PLPPR5: variants seen among roughly 807,000 people sequenced by gnomAD.
PLPPR5 encodes the protein phospholipid phosphatase related 5.
PLPPR5 carries 16 observed loss-of-function variants against 33.9 expected under a neutral mutation model. That is an observed-to-expected ratio of 0.47 (90% confidence interval 0.32 to 0.72). The LOEUF (loss-of-function observed/expected upper bound fraction) is 0.72, where lower values mean the gene tolerates loss of function less well. Ranked by LOEUF, PLPPR5 falls within the 30% of genes least tolerant of loss-of-function variation. PLPPR5 has a pLI of 0.03. For synonymous variants in PLPPR5, 163 were observed against 150.3 expected (o/e 1.08, Z -0.62); for missense variants, 301 against 406.7 (o/e 0.74, Z 2.23).
chr1:98,998,998 G>A (rs2100767261), intron 1 of PLPPR5, among the ~76,000 whole-genome samples: 1 of 152,284 alleles, frequency 6.6e-6, no homozygotes, highest in Non-Finnish European at 1.5e-5. Flanking sequence ...TGGACAAACA[G>A]AGGAGTCACC....
chr1:98,928,787 A>G (rs1649859455), intron 3 of PLPPR5, among the ~76,000 whole-genome samples: 1 of 151,610 alleles, frequency 6.6e-6, no homozygotes, highest in South Asian at 2.1e-4. Context: ...GGCAACATTT[A>G]CCTGCATATT....
intron 2 of PLPPR5, 68 bp from the exon 3 acceptor site, chr1:98,953,388 T>TGC (rs1463974083): frequency 1.2e-5 from 19 of 1,541,446 alleles, no homozygotes; most frequent in Non-Finnish European, 1.5e-5. Flanking sequence ...TGTGTGTGTG[T>TGC]GTGTGTGAAT....
At chr1:98,976,917 A>T (rs1187582831) in intron 1 of PLPPR5, among the ~76,000 whole-genome samples, 3 of 152,010 alleles carry the variant, frequency 2.0e-5, no homozygotes, top group South Asian at 2.1e-4. Context: ...CCCCTGGCCC[A>T]TCATAGCAGC....
upstream of PLPPR5, chr1:99,004,978 C>G (rs958119613): frequency 3.2e-5 from 5 of 156,776 alleles, no homozygotes; most frequent in African/African-American, 1.2e-4. Context: ...TCCCGGGCGA[C>G]GGGCAGCGGC....
At chr1:98,899,716 T>C (rs1439756693) in intron 5 of PLPPR5, among the ~76,000 whole-genome samples, 1 of 148,074 alleles carries the variant, frequency 6.8e-6, no homozygotes, top group African/African-American at 2.5e-5. Flanking sequence ...TGTAGTGCGG[T>C]AGTGAGATTT....
chr1:98,938,698 T>C (rs1483107583), intron 3 of PLPPR5, among the ~76,000 whole-genome samples: 1 of 151,970 alleles, frequency 6.6e-6, no homozygotes, highest in Non-Finnish European at 1.5e-5. Context: ...TTCTGCCCGG[T>C]TCACTGGAAC....
At chr1:98,965,805 A>T (rs181656082) in intron 1 of PLPPR5, among the ~76,000 whole-genome samples, 1 of 152,348 alleles carries the variant, frequency 6.6e-6, no homozygotes, top group Non-Finnish European at 1.5e-5. Flanking sequence ...TAACTCAAAG[A>T]TATCCATGCA....
chr1:98,902,743 T>C (rs372880306), intron 5 of PLPPR5, among the ~76,000 whole-genome samples: 9 of 152,136 alleles, frequency 5.9e-5, no homozygotes, highest in African/African-American at 1.7e-4. Flanking sequence ...ATGTGTGCAC[T>C]GGAAATGATT....
intron 3 of PLPPR5, among the ~76,000 whole-genome samples, chr1:98,922,996 C>CAA (rs922820949): frequency 1.9e-5 from 2 of 106,054 alleles, no homozygotes; most frequent in East Asian, 4.6e-4. Context: ...AAAACAACAA[C>CAA]AACAACAAAA....
intron 2 of PLPPR5, 90 bp downstream of exon 2, chr1:98,956,519 G>T (rs987751436): frequency 1.8e-5 from 23 of 1,261,998 alleles, no homozygotes; most frequent in East Asian, 2.9e-5. Context: ...CCTAATATTT[G>T]CAAACAGTTA....
intron 4 of PLPPR5, among the ~76,000 whole-genome samples, chr1:98,916,860 G>A (rs776777397): frequency 6.6e-6 from 1 of 152,104 alleles, no homozygotes; most frequent in African/African-American, 2.4e-5. Flanking sequence ...TGGAACAGAG[G>A]TCTTGTTTGT....
intron 3 of PLPPR5, among the ~76,000 whole-genome samples, chr1:98,952,541 A>G (rs191790200): frequency 6.6e-6 from 1 of 152,372 alleles, no homozygotes; most frequent in Admixed American, 6.5e-5. Context: ...CAATACTCTC[A>G]AGACTAAAGG....
chr1:98,947,678 G>A, intron 3 of PLPPR5, among the ~76,000 whole-genome samples: 1 of 152,072 alleles, frequency 6.6e-6, no homozygotes, highest in East Asian at 1.9e-4. Context: ...GGGGTCCATG[G>A]TAGTGAAAAT....
intron 5 of PLPPR5, among the ~76,000 whole-genome samples, chr1:98,898,112 T>C (rs1414961248): frequency 6.6e-6 from 1 of 152,202 alleles, no homozygotes; most frequent in Non-Finnish European, 1.5e-5. Flanking sequence ...CTTTTAAGAT[T>C]GATGCAAACT....
intron 1 of PLPPR5, among the ~76,000 whole-genome samples, chr1:98,976,873 T>C (rs1651881375): frequency 6.6e-6 from 1 of 152,060 alleles, no homozygotes; most frequent in African/African-American, 2.4e-5. Flanking sequence ...TGTATTTCTA[T>C]TGAGTATCGT....
chr1:98,921,596 G>C (rs1649555454), intron 4 of PLPPR5, among the ~76,000 whole-genome samples: 1 of 152,100 alleles, frequency 6.6e-6, no homozygotes. Context: ...AACTATTTGG[G>C]AGGGACAGTA....
intron 5 of PLPPR5, among the ~76,000 whole-genome samples, chr1:98,906,174 A>AGT (rs756494329): frequency 4.7e-4 from 71 of 150,632 alleles, no homozygotes; most frequent in South Asian, 1.5e-3. Flanking sequence ...ATATATATAT[A>AGT]GTGTGTGTGT....
chr1:98,946,160 G>T (rs1270471641), intron 3 of PLPPR5, among the ~76,000 whole-genome samples: 4 of 152,076 alleles, frequency 2.6e-5, no homozygotes, highest in Admixed American at 6.5e-5. Context: ...ATTCTGTGTT[G>T]ATCTTCTTAA....
chr1:98,994,222 G>A (rs1370193680), intron 1 of PLPPR5, among the ~76,000 whole-genome samples: 6 of 151,656 alleles, frequency 4.0e-5, no homozygotes, highest in Non-Finnish European at 7.4e-5. Flanking sequence ...GGGAAATGAA[G>A]GGAGAGAAGG....
Sources: gnomAD v4.1 joint callset for allele counts (sites outside exome capture counted in the v4.1 genomes callset) on GRCh38, gnomAD v4.1.1 for gene constraint, MANE v1.5 for transcripts, NCBI Gene and HGNC (gene_info 2026-07-23, HGNC 2026-07-21) for gene names.